The following PRH1 variants were observed in gnomAD, a reference collection of about 807,000 sequenced individuals.
The protein encoded by PRH1 is salivary acidic proline-rich phosphoprotein 1/2.
A neutral mutation model predicts 7.9 loss-of-function variants in PRH1; 7 were observed. The ratio of observed to expected loss-of-function variants is 0.89; its 90% CI spans 0.50 to 1.67. The LOEUF (loss-of-function observed/expected upper bound fraction) is 1.67. PRH1 is among the 40% of genes most tolerant of loss of function. The probability of loss-of-function intolerance (pLI) is 0.00; values close to 1 mark genes in which losing one functional copy is unlikely to be tolerated. For synonymous variants in PRH1, 45 were observed against 80.8 expected, an observed-to-expected ratio of 0.56 and a Z score of 2.38; for missense variants, 109 against 223.6, an observed-to-expected ratio of 0.49 and a Z score of 3.27.
chr12:11,142,396 G>A (rs1946725782), intron 1 of PRH1, among the ~76,000 whole-genome samples: 1 of 152,046 alleles, frequency 6.6e-6, no homozygotes, highest in Admixed American at 6.5e-5. Context: ...AAAAGAAATT[G>A]TTAAAAAATA....
chr12:10,944,508 A>G (rs1950455089), intron 2 of PRH1, among the ~76,000 whole-genome samples: 1 of 152,066 alleles, frequency 6.6e-6, no homozygotes, highest in African/African-American at 2.4e-5. Context: ...TGTCAACTGC[A>G]AACAGTTTGA....
chr12:11,084,894 G>A (rs1202048770), intron 1 of PRH1, among the ~76,000 whole-genome samples: 2 of 112,308 alleles, frequency 1.8e-5, no homozygotes, highest in African/African-American at 6.0e-5. Context: ...CTCACTGCAA[G>A]CTCTGCCTCC....
chr12:11,013,256 A>C (rs192258352), intron 1 of PRH1, among the ~76,000 whole-genome samples: 4 of 152,298 alleles, frequency 2.6e-5, no homozygotes, highest in Admixed American at 2.6e-4. Context: ...TACAGTAGAC[A>C]AAAGAACAAT....
chr12:11,099,767 A>G (rs1003491670), intron 1 of PRH1, among the ~76,000 whole-genome samples: 6 of 152,204 alleles, frequency 3.9e-5, no homozygotes, highest in African/African-American at 1.4e-4. Flanking sequence ...CTAATGTTTT[A>G]GAGGGTCTTC....
intron 2 of PRH1, among the ~76,000 whole-genome samples, chr12:10,962,063 C>A (rs1047676100): frequency 5.3e-5 from 8 of 152,202 alleles, no homozygotes; most frequent in Non-Finnish European, 1.2e-4. Flanking sequence ...CTGCCCTGGA[C>A]TTACCTTCCA....
intron 2 of PRH1, among the ~76,000 whole-genome samples, chr12:10,921,699 T>G (rs192723196): frequency 1.5e-4 from 23 of 152,328 alleles, no homozygotes; most frequent in Non-Finnish European, 2.9e-4. Context: ...TTCAGACAAA[T>G]TCTAACTTTT....
rs185421368 is a variant in PRH1 at position 10,918,885 on chromosome 12, T to C, written c.-58-34610A>G. On this transcript the variant is annotated intron_variant, in intron 2 of 3. Transcript: ENST00000539853. ...GTAAAAGTATTAAATTTTTTTCTAC[T>C]GTTTATATTGCAAATAGACTTTAAA... 4.6e-3 allele frequency among the ~76,000 whole-genome samples: 703 copies of C among 152,300 alleles called. 3 individuals carry two copies. The highest frequency in any genetic ancestry group is 7.5e-3 in the Non-Finnish European group (508 of 68,012).
chr12:11,127,737 T>C (rs1946183298), intron 1 of PRH1, among the ~76,000 whole-genome samples: 1 of 152,300 alleles, frequency 6.6e-6, no homozygotes, highest in Non-Finnish European at 1.5e-5. Flanking sequence ...TTTATCAAAC[T>C]TAATCTCTAA....
At chr12:11,144,418 G>A (rs1946804029) in intron 1 of PRH1, among the ~76,000 whole-genome samples, 1 of 152,110 alleles carries the variant, frequency 6.6e-6, no homozygotes, top group Non-Finnish European at 1.5e-5. Flanking sequence ...CAAACTGAAG[G>A]GCTGGTCTCA....
At chr12:11,126,471 T>C (rs1946133186) in intron 1 of PRH1, among the ~76,000 whole-genome samples, 1 of 152,300 alleles carries the variant, frequency 6.6e-6, no homozygotes, top group Non-Finnish European at 1.5e-5. Flanking sequence ...TTTTGATTGC[T>C]GTATAGTATT....
chr12:10,968,839 A>T (rs1056227136), intron 2 of PRH1, among the ~76,000 whole-genome samples: 2 of 152,204 alleles, frequency 1.3e-5, no homozygotes, highest in Non-Finnish European at 2.9e-5. Context: ...CGCACCCCTG[A>T]AACCTCGAGG....
At chr12:11,065,286 T>G (rs1365380109) in intron 1 of PRH1, among the ~76,000 whole-genome samples, 1 of 152,130 alleles carries the variant, frequency 6.6e-6, no homozygotes, top group African/African-American at 2.4e-5. Context: ...TCCTGTCATT[T>G]TATATTAATT....
At chr12:11,164,660 G>C (rs971049478) in intron 1 of PRH1, among the ~76,000 whole-genome samples, 1 of 151,966 alleles carries the variant, frequency 6.6e-6, no homozygotes, top group Admixed American at 6.6e-5. Context: ...TGTTTGTATA[G>C]TGTCTAACTC....
chr12:11,006,005 G>T (rs1477010913), intron 1 of PRH1: 1 of 152,010 alleles, frequency 6.6e-6, no homozygotes, highest in East Asian at 1.9e-4. Context: ...AAGAAGAATA[G>T]ATGTTAGTAT....
chr12:11,101,678 T>C (rs1348467666), intron 1 of PRH1, among the ~76,000 whole-genome samples: 1 of 152,088 alleles, frequency 6.6e-6, no homozygotes, highest in African/African-American at 2.4e-5. Flanking sequence ...GAGCAAAACA[T>C]ACAGATACAG....
chr12:11,099,495 G>C (rs1344232361), intron 1 of PRH1, among the ~76,000 whole-genome samples: 1 of 152,106 alleles, frequency 6.6e-6, no homozygotes, highest in Non-Finnish European at 1.5e-5. Context: ...TCAAGAGATT[G>C]AGACCATCCT....
intron 1 of PRH1, among the ~76,000 whole-genome samples, chr12:11,156,682 AG>A (rs1361272546): frequency 6.6e-6 from 1 of 152,154 alleles, no homozygotes; most frequent in African/African-American, 2.4e-5. Context: ...TTTTGGTGGT[AG>A]AAAGAAACTT....
At chr12:10,930,564 A>G in intron 2 of PRH1, 1 of 1,565,444 alleles carries the variant, frequency 6.4e-7, no homozygotes, top group Non-Finnish European at 8.6e-7. Context: ...GAGGCAGGTC[A>G]GGGAGAGAGG....
intron 1 of PRH1, among the ~76,000 whole-genome samples, chr12:11,038,607 T>C (rs1478327636): frequency 6.6e-6 from 1 of 152,266 alleles, no homozygotes; most frequent in Non-Finnish European, 1.5e-5. Flanking sequence ...GTTGTAAACA[T>C]GTCAGTCTTG....
Sources: gnomAD v4.1 joint callset for allele counts (sites outside exome capture counted in the v4.1 genomes callset) on GRCh38, gnomAD v4.1.1 for gene constraint, MANE v1.5 for transcripts, NCBI Gene and HGNC (gene_info 2026-07-23, HGNC 2026-07-21) for gene names.